The following NEK10 variants were observed in gnomAD, a reference collection of about 807,000 sequenced individuals.
The protein encoded by NEK10 is NIMA related kinase 10.
A neutral mutation model predicts 159.8 loss-of-function variants in NEK10; 122 were observed. The ratio of observed to expected loss-of-function variants is 0.76; its 90% confidence interval spans 0.66 to 0.89. The LOEUF is 0.89. Ranked by LOEUF, NEK10 falls within the 40% of genes least tolerant of loss-of-function variation. NEK10 has a pLI of 0.00. For missense variants in NEK10, 1,342 were observed against 1,323.1 expected (o/e 1.01, Z -0.22); for synonymous variants, 466 against 457.1 (o/e 1.02, Z -0.25).
At position 27,215,676 on chromosome 3, in the gene NEK10, C is replaced by G. The variant is rs1951440803; in HGVS notation, c.2091-13119G>C. On this transcript the variant is annotated intron_variant, in intron 23 of 35. Coordinates refer to ENST00000691995, the MANE Select transcript of NEK10 (RefSeq NM_001394966.1). ...GTATGAATCCGTTCTTGCACTACTA[C>G]AAAGAAATACCTGAGACTAGGTAAT... 24 of 626,764 alleles carry G rather than the reference C, an allele frequency of 3.8e-5. 1 individual carries two copies. The South Asian group carries it at 4.4e-4, about 11-fold the overall frequency. The allele number at this position is 626,764 out of a possible 1,614,324, so 38.8% of individuals were successfully genotyped here. A position where few individuals can be genotyped will look rare whatever the true frequency, so the allele number is the denominator to read the frequency against.
intron 6 of NEK10, among the ~76,000 whole-genome samples, chr3:27,317,133 T>C (rs1353362600): frequency 6.6e-6 from 1 of 152,238 alleles, no homozygotes; most frequent in African/African-American, 2.4e-5. Flanking sequence ...ATGAAATGAA[T>C]ATTTTCCCTC....
At chr3:27,169,020 G>A (rs1351469478) in intron 29 of NEK10, among the ~76,000 whole-genome samples, 1 of 152,106 alleles carries the variant, frequency 6.6e-6, no homozygotes, top group African/African-American at 2.4e-5. Flanking sequence ...TGGGGTTTTT[G>A]TTTGGTTTTG....
chr3:27,174,957 G>A (rs189624043), intron 26 of NEK10, 124 bp from the exon 27 acceptor site: 49 of 756,928 alleles, frequency 6.5e-5, no homozygotes, highest in African/African-American at 6.1e-4. Context: ...TGCAGAAGAC[G>A]CATCAGTAGT....
chr3:27,158,967 T>A (rs1424044162), intron 30 of NEK10, among the ~76,000 whole-genome samples: 1 of 152,162 alleles, frequency 6.6e-6, no homozygotes, highest in Non-Finnish European at 1.5e-5. Flanking sequence ...GAGACCTTTT[T>A]CCCCAATTCC....
At chr3:27,186,124 T>C (rs183859714) in intron 26 of NEK10, among the ~76,000 whole-genome samples, 1 of 152,326 alleles carries the variant, frequency 6.6e-6, no homozygotes, top group Non-Finnish European at 1.5e-5. Context: ...AGGTGAATGT[T>C]CGGTTCAAAA....
chr3:27,142,821 ATAC>A (rs1175919828), intron 30 of NEK10, among the ~76,000 whole-genome samples: 1 of 152,212 alleles, frequency 6.6e-6, no homozygotes, highest in East Asian at 1.9e-4. Context: ...ATTCAAAGAA[ATAC>A]TACTTTCTTT....
At chr3:27,203,715 T>G (rs1162083633) in intron 23 of NEK10, among the ~76,000 whole-genome samples, 1 of 152,080 alleles carries the variant, frequency 6.6e-6, no homozygotes, top group Non-Finnish European at 1.5e-5. Context: ...ATTTATAAAT[T>G]GGCATCAAAA....
intron 10 of NEK10, among the ~76,000 whole-genome samples, chr3:27,308,564 T>C (rs150973171): frequency 1.5e-4 from 23 of 152,338 alleles, no homozygotes; most frequent in African/African-American, 5.3e-4. Flanking sequence ...AGCCCACAGA[T>C]GTTTGAAAAC....
chr3:27,324,164 A>G (rs755506573), intron 5 of NEK10, among the ~76,000 whole-genome samples: 4 of 152,186 alleles, frequency 2.6e-5, no homozygotes, highest in South Asian at 2.1e-4. Flanking sequence ...CACTGTGAAC[A>G]ATTTCTATTT....
intron 24 of NEK10, among the ~76,000 whole-genome samples, chr3:27,202,171 A>AATAT (rs1294041291): frequency 6.6e-6 from 1 of 151,946 alleles, no homozygotes; most frequent in Non-Finnish European, 1.5e-5. Flanking sequence ...AAATTAAATA[A>AATAT]ATAAATAATA....
chr3:27,279,313 T>C (rs1217621037), intron 22 of NEK10, among the ~76,000 whole-genome samples: 1 of 152,216 alleles, frequency 6.6e-6, no homozygotes, highest in Non-Finnish European at 1.5e-5. Flanking sequence ...TTTCTGGAAG[T>C]AAATAAACCT....
rs1559541624 is a variant in NEK10, at chr3:27,166,730, G to GAGGACTTC, written c.2832-3993_2832-3992insGAAGTCCT. ...ATCCTACCACTTTGGGAGGCCCAGG[G>GAGGACTTC]GGGTGGATCACCTGAAGTCAAGAGT... On this transcript the variant is annotated intron_variant, in intron 29 of 35. Transcript: ENST00000691995. 3.6e-4 allele frequency among the ~76,000 whole-genome samples: 54 copies of GAGGACTTC among 151,948 alleles called. 1 individual carries two copies. Among genetic ancestry groups the GAGGACTTC allele is most frequent in the African/African-American group, 1.2e-3 (50 of 41,428 alleles).
At chr3:27,300,286 C>T (rs142227218) in intron 13 of NEK10, among the ~76,000 whole-genome samples, 242 of 152,014 alleles carry the variant, frequency 1.6e-3, no homozygotes, top group African/African-American at 5.4e-3. Flanking sequence ...TTTGTAAAAC[C>T]ATTGAAAGTG....
chr3:27,110,259 G>A lies in NEK10; in HGVS notation c.*1013C>T, dbSNP rs1939382870. 1 of 152,148 alleles carries A rather than the reference G, an allele frequency of 6.6e-6. No individual in the cohort carries two copies. The allele number at this position is 152,148 out of a possible 1,614,324, so 9.4% of individuals were successfully genotyped here. On this transcript the variant is annotated 3_prime_UTR_variant, in exon 36 of 36. Transcript: ENST00000691995. Reference sequence around the variant, plus strand: ...GGAGTTTAAGCCCAGTGAGAATCTAGCAGATTTTCATCATAATTCTCCCGG... The same window carrying A: ...GGAGTTTAAGCCCAGTGAGAATCTAACAGATTTTCATCATAATTCTCCCGG...
At chr3:27,350,435 C>T (rs527395870) in intron 3 of NEK10, among the ~76,000 whole-genome samples, 24 of 152,198 alleles carry the variant, frequency 1.6e-4, no homozygotes, top group African/African-American at 5.5e-4. Context: ...ATAAATGTCT[C>T]CACATTATTT....
chr3:27,226,029 G>A (rs539280930), intron 23 of NEK10, among the ~76,000 whole-genome samples: 5 of 151,976 alleles, frequency 3.3e-5, no homozygotes, highest in South Asian at 2.1e-4. Flanking sequence ...AATAAAATAC[G>A]GTTACAATAT....
chr3:27,285,182 C>A (rs182642727), intron 20 of NEK10, among the ~76,000 whole-genome samples: 37 of 152,274 alleles, frequency 2.4e-4, no homozygotes, highest in African/African-American at 8.2e-4. Flanking sequence ...CTTCTGGCTA[C>A]AGACAACCCC....
At chr3:27,171,282 T>A (rs1946958702) in intron 29 of NEK10, among the ~76,000 whole-genome samples, 1 of 152,178 alleles carries the variant, frequency 6.6e-6, no homozygotes, top group Non-Finnish European at 1.5e-5. Context: ...TATTTCACCA[T>A]CCCTTGCAAC....
chr3:27,153,307 G>A (rs189982077), intron 30 of NEK10, among the ~76,000 whole-genome samples: 83 of 144,872 alleles, frequency 5.7e-4, no homozygotes, highest in African/African-American at 2.0e-3. Flanking sequence ...GCGACAGAGC[G>A]AGACTCCATC....
Sources: gnomAD v4.1 joint callset for allele counts (sites outside exome capture counted in the v4.1 genomes callset) on GRCh38, gnomAD v4.1.1 for gene constraint, MANE v1.5 for transcripts, NCBI Gene and HGNC (gene_info 2026-07-23, HGNC 2026-07-21) for gene names.